The following EMC3 variants were observed in gnomAD, a reference collection of about 807,000 sequenced individuals.
EMC3 encodes 30 kDa protein.
Under a neutral mutation model 36.6 loss-of-function variants are expected in EMC3, and 13 were observed. The observed-to-expected ratio is 0.35, with a 90% CI of 0.23 to 0.56. EMC3 has a LOEUF of 0.56. Among genes scored for constraint, EMC3 ranks in the 20% least tolerant of loss-of-function variants. The pLI is 0.84. For synonymous variants in EMC3, 120 were observed against 111.9 expected, an observed-to-expected ratio of 1.07 and a Z score of -0.46; for missense variants, 220 against 324.5, an observed-to-expected ratio of 0.68 and a Z score of 2.47.
At chr3:9,985,610 G>C (rs1254472488) in intron 1 of EMC3, among the ~76,000 whole-genome samples, 1 of 152,008 alleles carries the variant, frequency 6.6e-6, no homozygotes, top group Non-Finnish European at 1.5e-5. Context: ...ATATTGCAAC[G>C]AGGGGCTGGT....
upstream of EMC3, among the ~76,000 whole-genome samples, chr3:9,990,357 C>CT (rs769063875): frequency 2.6e-4 from 26 of 99,094 alleles, no homozygotes; most frequent in East Asian, 5.4e-3. Context: ...TTTTAAGAGA[C>CT]TAAGTCTTGC....
chr3:10,009,646 G>A lies in EMC3; in HGVS notation c.-242+1377C>T, dbSNP rs111356267. Among the ~76,000 whole-genome samples the A allele has an allele frequency of 1.1e-4, 17 of 152,336 alleles. 1 individual carries two copies. Among genetic ancestry groups the A allele is most frequent in the Admixed American group, 3.3e-4 (5 of 15,306 alleles). ...GAAGCCGAGTTCCAGAGAAGAGGCGGGGCCCGTGGGGCGTTTGGATTACAC... is the reference window on the plus strand; with the variant it reads ...GAAGCCGAGTTCCAGAGAAGAGGCGAGGCCCGTGGGGCGTTTGGATTACAC... On this transcript the variant is annotated intron_variant, in intron 1 of 8. Coordinates refer to the EMC3 transcript ENST00000470827.
intron 1 of EMC3, chr3:10,007,141 C>T (rs1362391192): frequency 1.6e-5 from 6 of 378,548 alleles, no homozygotes; most frequent in South Asian, 1.0e-4. Flanking sequence ...CTCAGAAAAA[C>T]TGCAAGAAAA....
intron 1 of EMC3, among the ~76,000 whole-genome samples, chr3:9,996,227 T>A (rs908180295): frequency 2.2e-4 from 33 of 152,328 alleles, no homozygotes; most frequent in African/African-American, 7.9e-4. Context: ...GAGAATCACA[T>A]GTGCCCTGGA....
At chr3:9,971,418 T>C (rs150868356) in intron 5 of EMC3, among the ~76,000 whole-genome samples, 2 of 151,960 alleles carry the variant, frequency 1.3e-5, no homozygotes, top group South Asian at 2.1e-4. Flanking sequence ...TGGGAAGTGA[T>C]AGATAAATGG....
chr3:10,007,700 G>A (rs1280203356), intron 1 of EMC3: 49 of 1,280,828 alleles, frequency 3.8e-5, no homozygotes, highest in Middle Eastern at 2.9e-4. Context: ...CGGTTTGTCC[G>A]TGTCTGGCAG....
At chr3:9,987,529 C>T (rs1224522776), upstream of EMC3, among the ~76,000 whole-genome samples, 1 of 152,178 alleles carries the variant, frequency 6.6e-6, no homozygotes. Flanking sequence ...TTGGGCTTCT[C>T]GGGAAGCCAA....
upstream of EMC3, among the ~76,000 whole-genome samples, chr3:9,989,578 A>G (rs1381229665): frequency 6.6e-6 from 1 of 152,198 alleles, no homozygotes; most frequent in African/African-American, 2.4e-5. Context: ...TAGTTTTGTT[A>G]TCCAATTTTG....
At position 9,963,290 on chromosome 3, in the gene EMC3, G is replaced by C. The variant is rs922318407; in HGVS notation, c.*779C>G. ...CTTTGGTAGTGGAAATGGTTTACTT[G>C]TGTAAAGAAAGTTAACAATACTAAC... On this transcript the variant is annotated 3_prime_UTR_variant, in exon 8 of 8. Coordinates refer to ENST00000245046, the MANE Select transcript of EMC3 (RefSeq NM_001394674.1). The C allele has an allele frequency of 4.6e-5, 7 of 151,898 alleles. No individual in the cohort carries two copies. The highest frequency in any genetic ancestry group is 8.8e-5 in the Non-Finnish European group (6 of 67,990). 9.4% of individuals were successfully genotyped at this position (151,898 alleles called of 1,614,324 possible). A position where few individuals can be genotyped will look rare whatever the true frequency, so the allele number is the denominator to read the frequency against.
chr3:9,995,953 C>T (rs1401022823), intron 1 of EMC3, among the ~76,000 whole-genome samples: 2 of 151,918 alleles, frequency 1.3e-5, no homozygotes, highest in African/African-American at 2.4e-5. Context: ...TTACCACAAA[C>T]ATTAAGTGCC....
chr3:10,000,376 G>A (rs1372500815), intron 1 of EMC3, among the ~76,000 whole-genome samples: 1 of 152,188 alleles, frequency 6.6e-6, no homozygotes, highest in Non-Finnish European at 1.5e-5. Context: ...CCATCTTTGT[G>A]AGAAGTTGAA....
intron 5 of EMC3, among the ~76,000 whole-genome samples, chr3:9,972,438 T>G: frequency 1.5e-5 from 2 of 136,212 alleles, no homozygotes; most frequent in African/African-American, 2.7e-5. Flanking sequence ...AAACCACCCA[T>G]GGCATTTTCA....
At chr3:9,980,368 A>ATT (rs112044792) in intron 1 of EMC3, among the ~76,000 whole-genome samples, 304 of 141,120 alleles carry the variant, frequency 2.2e-3, no homozygotes, top group African/African-American at 6.4e-3. Context: ...CTAATGAAGG[A>ATT]TTTTTTTTTT....
At chr3:9,987,406 A>G, upstream of EMC3, 1 of 548,548 alleles carries the variant, frequency 1.8e-6, no homozygotes, top group Non-Finnish European at 2.3e-6. Context: ...CTGAGATGGG[A>G]TAGTCCCCAC....
chr3:9,998,067 T>C (rs1452143855), intron 1 of EMC3, among the ~76,000 whole-genome samples: 1 of 151,936 alleles, frequency 6.6e-6, no homozygotes, highest in Non-Finnish European at 1.5e-5. Flanking sequence ...TATTTTCCTT[T>C]CTTAAAAAAT....
chr3:9,973,819 C>A, intron 4 of EMC3, 110 bp from the exon 5 acceptor site: 1 of 969,984 alleles, frequency 1.0e-6, no homozygotes, highest in Non-Finnish European at 1.6e-6. Context: ...TTTTGGAAAA[C>A]GACTTCCACA....
chr3:9,974,566 T>C, intron 3 of EMC3, 78 bp from the exon 4 acceptor site: 1 of 1,022,610 alleles, frequency 9.8e-7, no homozygotes, highest in South Asian at 1.3e-5. Flanking sequence ...TTCTGTAAAC[T>C]GTTTTTTTTT....
At chr3:9,993,625 A>T (rs561420000) in intron 1 of EMC3, among the ~76,000 whole-genome samples, 1 of 152,246 alleles carries the variant, frequency 6.6e-6, no homozygotes, top group East Asian at 1.9e-4. Context: ...TTTTCATTGC[A>T]TTTTCCCCAA....
At chr3:10,003,428 C>T in intron 1 of EMC3, 2 of 360,120 alleles carry the variant, frequency 5.6e-6, no homozygotes, top group South Asian at 2.1e-5. Flanking sequence ...TTGGTGGGGT[C>T]AATATTGTTA....
Sources: gnomAD v4.1 joint callset for allele counts (sites outside exome capture counted in the v4.1 genomes callset) on GRCh38, gnomAD v4.1.1 for gene constraint, MANE v1.5 for transcripts, NCBI Gene and HGNC (gene_info 2026-07-23, HGNC 2026-07-21) for gene names.